The following CLDN10 variants were observed in gnomAD, a reference collection of about 807,000 sequenced individuals.
The protein encoded by CLDN10 is claudin 10.
In CLDN10, 15 loss-of-function variants were observed where a neutral mutation model predicts 22.9. The observed-to-expected ratio is 0.65, with a 90% CI of 0.44 to 1.01. CLDN10 has a LOEUF of 1.01. Ranked by LOEUF, CLDN10 falls within the 50% of genes least tolerant of loss-of-function variation. The pLI, the probability that CLDN10 is intolerant of heterozygous loss-of-function variation, is 0.00. For synonymous variants in CLDN10, 114 were observed against 111.4 expected (o/e 1.02, Z -0.15); for missense variants, 247 against 287.8 (o/e 0.86, Z 1.03).
intron 1 of CLDN10, among the ~76,000 whole-genome samples, chr13:95,520,894 C>T (rs12866271): frequency 5.3e-5 from 8 of 150,968 alleles, no homozygotes; most frequent in Admixed American, 1.3e-4. Flanking sequence ...GCAGGAGAAT[C>T]GCGGAGACTG....
At chr13:95,434,178 C>A in intron 1 of CLDN10, 1 of 755,552 alleles carries the variant, frequency 1.3e-6, no homozygotes. Context: ...CAAGATTTGC[C>A]TAGGAAGGAT....
chr13:95,514,037 G>A (rs1323463405), intron 1 of CLDN10, among the ~76,000 whole-genome samples: 1 of 152,006 alleles, frequency 6.6e-6, no homozygotes, highest in African/African-American at 2.4e-5. Context: ...ACGGGAGGAT[G>A]GCTTAAGCTC....
intron 1 of CLDN10, among the ~76,000 whole-genome samples, chr13:95,515,828 G>A (rs1375584260): frequency 6.6e-6 from 1 of 152,064 alleles, no homozygotes; most frequent in African/African-American, 2.4e-5. Context: ...TGCCTACTTG[G>A]CTCCAAACTG....
intron 1 of CLDN10, among the ~76,000 whole-genome samples, chr13:95,440,027 C>A (rs1043406492): frequency 3.3e-5 from 5 of 151,998 alleles, no homozygotes; most frequent in African/African-American, 1.2e-4. Flanking sequence ...GATTCTCCTG[C>A]CTCAGCCTCC....
chr13:95,491,519 AT>A (rs978179505), intron 1 of CLDN10, among the ~76,000 whole-genome samples: 13 of 151,586 alleles, frequency 8.6e-5, no homozygotes, highest in African/African-American at 3.2e-4. Context: ...TTTTTAAATT[AT>A]TTTTTTCTGT....
At chr13:95,568,989 C>G (rs1363511812) in intron 3 of CLDN10, among the ~76,000 whole-genome samples, 1 of 151,966 alleles carries the variant, frequency 6.6e-6, no homozygotes, top group Non-Finnish European at 1.5e-5. Context: ...GCCCTTCATC[C>G]GTAGAATGAG....
At chr13:95,514,060 C>G (rs546438637) in intron 1 of CLDN10, among the ~76,000 whole-genome samples, 9 of 152,166 alleles carry the variant, frequency 5.9e-5, no homozygotes, top group Non-Finnish European at 1.2e-4. Context: ...GAATTCAAGA[C>G]CAGCCTGGGC....
chr13:95,567,948 C>T (rs901563765), intron 3 of CLDN10, among the ~76,000 whole-genome samples: 18 of 152,024 alleles, frequency 1.2e-4, no homozygotes, highest in African/African-American at 4.1e-4. Flanking sequence ...TGAACAACTA[C>T]CTACTTTCAG....
intron 1 of CLDN10, among the ~76,000 whole-genome samples, chr13:95,502,854 C>T (rs1382212540): frequency 2.6e-5 from 4 of 152,204 alleles, no homozygotes; most frequent in Middle Eastern, 3.2e-3. Context: ...GATGTGCACT[C>T]TCCCGATGCA....
At chr13:95,436,191 T>A (rs1386823697) in intron 1 of CLDN10, among the ~76,000 whole-genome samples, 1 of 152,146 alleles carries the variant, frequency 6.6e-6, no homozygotes, top group Non-Finnish European at 1.5e-5. Flanking sequence ...TATTTTTTAT[T>A]TATTGTTTTT....
chr13:95,460,464 A>G (rs2139088407), intron 1 of CLDN10, among the ~76,000 whole-genome samples: 1 of 152,310 alleles, frequency 6.6e-6, no homozygotes, highest in Non-Finnish European at 1.5e-5. Flanking sequence ...CAGCAAACTT[A>G]CAATCATGGT....
At chr13:95,544,274 T>C (rs1013586342) in intron 1 of CLDN10, among the ~76,000 whole-genome samples, 2 of 152,214 alleles carry the variant, frequency 1.3e-5, no homozygotes, top group African/African-American at 4.8e-5. Flanking sequence ...CAAATTTCAT[T>C]GGCTGCTTTA....
intron 1 of CLDN10, among the ~76,000 whole-genome samples, chr13:95,482,358 A>G (rs2042758220): frequency 6.6e-6 from 1 of 152,124 alleles, no homozygotes; most frequent in African/African-American, 2.4e-5. Flanking sequence ...CTTCTCTAAT[A>G]TATATGGCCC....
chr13:95,441,405 G>C (rs966298108), intron 1 of CLDN10, among the ~76,000 whole-genome samples: 3 of 152,012 alleles, frequency 2.0e-5, no homozygotes, highest in Non-Finnish European at 4.4e-5. Flanking sequence ...CCAACCATCC[G>C]GCTAATTTTC....
intron 3 of CLDN10, chr13:95,561,008 A>C (rs556790968): frequency 6.5e-6 from 1 of 153,114 alleles, no homozygotes; most frequent in East Asian, 1.9e-4. Context: ...GTGGCTGGTC[A>C]GTCTTGCAGA....
At chr13:95,445,839 G>A (rs115578115) in intron 1 of CLDN10, among the ~76,000 whole-genome samples, 1,751 of 152,254 alleles carry the variant, frequency 0.012, 37 homozygotes, top group African/African-American at 0.039. Flanking sequence ...GGTGACATTA[G>A]CGGCACAGGA....
rs547661648 is a variant in CLDN10 at position 95,450,517 on chromosome 13, C to T, written c.214+16470C>T. On this transcript the variant is annotated intron_variant, in intron 1 of 4. Transcript: ENST00000376873. Reference sequence around the variant, plus strand: ...TCCCACAGCGCTGATCCCAGGCTTTCGCCAAGCTTCCTCCTTTTGAATTCC... The same window carrying T: ...TCCCACAGCGCTGATCCCAGGCTTTTGCCAAGCTTCCTCCTTTTGAATTCC... Among the ~76,000 whole-genome samples the T allele has an allele frequency of 6.6e-5, 10 of 152,344 alleles. No homozygotes were observed. The South Asian group carries it at 1.5e-3, about 22-fold the overall frequency.
chr13:95,455,083 G>C (rs553225301), intron 1 of CLDN10, among the ~76,000 whole-genome samples: 1 of 152,212 alleles, frequency 6.6e-6, no homozygotes, highest in South Asian at 2.1e-4. Flanking sequence ...AGACTGAGGT[G>C]GGAGGACTGC....
At position 95,535,269 on chromosome 13, in the gene CLDN10, G is replaced by C. The variant is rs2043388399; in HGVS notation, c.215-24863G>C. On this transcript the variant is annotated intron_variant, in intron 1 of 4. Coordinates refer to the CLDN10 transcript ENST00000376873. ...AAGAAACAATCAGGCTTATCTTTTA[G>C]GAAAATCAGCTGGGGAGTCATATTA... Among the ~76,000 whole-genome samples, 4 of 152,110 alleles carry C rather than the reference G, an allele frequency of 2.6e-5. No individual in the cohort carries two copies. The South Asian group carries it at 8.3e-4, about 32-fold the overall frequency.
Sources: gnomAD v4.1 joint callset for allele counts (sites outside exome capture counted in the v4.1 genomes callset) on GRCh38, gnomAD v4.1.1 for gene constraint, MANE v1.5 for transcripts, NCBI Gene and HGNC (gene_info 2026-07-23, HGNC 2026-07-21) for gene names.